The following SLC48A1 variants were observed in gnomAD, a reference collection of about 807,000 sequenced individuals.
The protein encoded by SLC48A1 is solute carrier family 48 member 1, also known as heme transporter HRG1.
Under a neutral mutation model 14.8 loss-of-function variants are expected in SLC48A1, and 6 were observed. The ratio of observed to expected loss-of-function variants is 0.41; its 90% CI spans 0.22 to 0.80. The LOEUF (loss-of-function observed/expected upper bound fraction) is 0.80, where lower values mean the gene tolerates loss of function less well. SLC48A1 is among the 30% of genes least tolerant of loss of function. SLC48A1 has a pLI of 0.34. For missense variants in SLC48A1, 165 were observed against 204.8 expected (o/e 0.81, Z 1.19); for synonymous variants, 89 against 90.0 (o/e 0.99, Z 0.06).
chr12:47,782,437 C>T lies in SLC48A1; in HGVS notation c.*2156C>T, dbSNP rs1393299123. 4.6e-5 allele frequency: 7 copies of T among 152,298 alleles called. No homozygotes were observed. In the East Asian group the frequency reaches 9.7e-4, roughly 21 times the overall value. 9.4% of individuals were successfully genotyped at this position (152,298 alleles called of 1,614,324 possible). ...AGCTCCTGTATTCCCACTCCCCCAC[C>T]CCACCCCCACTCCTGCCATATCAGG... is the stretch of plus-strand genomic sequence containing the variant. On this transcript the variant is annotated 3_prime_UTR_variant, in exon 3 of 3. Coordinates refer to ENST00000442218, the MANE Select transcript of SLC48A1 (RefSeq NM_017842.3).
At position 47,758,661 on chromosome 12, in the gene SLC48A1, G is replaced by A; in HGVS notation, c.-373+1G>A. The A allele has an allele frequency of 6.4e-7, 1 of 1,571,434 alleles. No homozygotes were observed. The highest frequency in any genetic ancestry group is 8.6e-7 in the Non-Finnish European group (1 of 1,158,014). On this transcript the variant is annotated splice_donor_variant, in intron 1 of 4. Transcript: ENST00000547002. LOFTEE classifies it low-confidence loss of function (5UTR_SPLICE). ...AAGGGGATCCGGAGGGTGCCAGTGG[G>A]TAAGTCCAGGTACAGTGAACTGGGC...
intron 2 of SLC48A1, among the ~76,000 whole-genome samples, chr12:47,762,817 C>T (rs887065570): frequency 1.3e-5 from 2 of 152,194 alleles, no homozygotes; most frequent in Non-Finnish European, 1.5e-5. Context: ...AACCTTGCCT[C>T]GCTCAGTCCT....
In SLC48A1 at chr12:47,781,095, C is replaced by A; in HGVS notation, c.*814C>A. ...TTAAACCCCCATCCCAGCACCCCAT[C>A]CTGTTGTTCCCAGAGCTGGTCTCCC... On this transcript the variant is annotated 3_prime_UTR_variant, in exon 3 of 3. Transcript: ENST00000442218. 1 of 344,844 alleles carries A rather than the reference C, an allele frequency of 2.9e-6. No individual in the cohort carries two copies. Among genetic ancestry groups the A allele is most frequent in the Non-Finnish European group, 5.7e-6 (1 of 174,944 alleles). The allele number at this position is 344,844 out of a possible 1,614,324, so 21.4% of individuals were successfully genotyped here. A position where few individuals can be genotyped will look rare whatever the true frequency, so the allele number is the denominator to read the frequency against.
At chr12:47,774,863 G>A (rs1028532159) in intron 1 of SLC48A1, among the ~76,000 whole-genome samples, 4 of 152,066 alleles carry the variant, frequency 2.6e-5, no homozygotes, top group Non-Finnish European at 5.9e-5. Context: ...ACTGCACCCC[G>A]CCACCCTCCA....
upstream of SLC48A1, chr12:47,758,263 C>T (rs149309704): frequency 0.01 from 15,035 of 1,433,212 alleles, 93 homozygotes; most frequent in Non-Finnish European, 0.012. Context: ...GCCGGTCTGG[C>T]GCACTTAGGG....
upstream of SLC48A1, among the ~76,000 whole-genome samples, chr12:47,767,142 C>G (rs890696046): frequency 1.4e-5 from 2 of 146,478 alleles, no homozygotes; most frequent in Non-Finnish European, 3.0e-5. Context: ...CAGGCACAGC[C>G]TCGGGTTGCC....
rs117840973 is a variant in SLC48A1, at chr12:47,761,433, C to G, written c.-187+1032C>G. On this transcript the variant is annotated intron_variant, in intron 2 of 4. Coordinates refer to the SLC48A1 transcript ENST00000547002. ...GGGTGATTACCTATTGGCTCCTAGC[C>G]TGGGGAGATCATAGGGAGTAGATCT... Among the ~76,000 whole-genome samples the G allele has an allele frequency of 3.9e-3, 601 of 152,320 alleles. 3 individuals are homozygous for G. The highest frequency in any genetic ancestry group is 4.4e-3 in the Non-Finnish European group (297 of 68,020).
rs1027124945 is a variant in SLC48A1, at chr12:47,782,415, T to C, written c.*2134T>C. 1 of 152,184 alleles carries C rather than the reference T, an allele frequency of 6.6e-6. No homozygotes were observed. Among genetic ancestry groups the C allele is most frequent in the Non-Finnish European group, 1.5e-5 (1 of 68,050 alleles). The allele number at this position is 152,184 out of a possible 1,614,324, so 9.4% of individuals were successfully genotyped here. ...ATGCCGTGGTGAGCTGGGGCTGAGCTCCTGTATTCCCACTCCCCCACCCCA... is the reference window on the plus strand; with the variant it reads ...ATGCCGTGGTGAGCTGGGGCTGAGCCCCTGTATTCCCACTCCCCCACCCCA... On this transcript the variant is annotated 3_prime_UTR_variant, in exon 3 of 3. Transcript: ENST00000442218.
At chr12:47,754,187 A>G, upstream of SLC48A1, among the ~76,000 whole-genome samples, 1 of 152,260 alleles carries the variant, frequency 6.6e-6, no homozygotes, top group East Asian at 1.9e-4. Context: ...TCTGATTCCA[A>G]AGGCCATGCT....
upstream of SLC48A1, among the ~76,000 whole-genome samples, chr12:47,756,915 G>A (rs1356810739): frequency 6.6e-6 from 1 of 151,744 alleles, no homozygotes; most frequent in Non-Finnish European, 1.5e-5. Flanking sequence ...GCTGTAGTGA[G>A]CCAAGATTGC....
upstream of SLC48A1, among the ~76,000 whole-genome samples, chr12:47,756,977 A>G (rs1041204791): frequency 3.3e-5 from 5 of 152,076 alleles, no homozygotes; most frequent in South Asian, 4.1e-4. Flanking sequence ...AAAAAAAAAA[A>G]AAAGAAAGAA....
At chr12:47,772,573 G>T (rs1356364219), upstream of SLC48A1, among the ~76,000 whole-genome samples, 2 of 152,172 alleles carry the variant, frequency 1.3e-5, no homozygotes, top group African/African-American at 4.8e-5. Context: ...TGGCTGCTTG[G>T]AAGGCTGAGG....
At chr12:47,754,787 G>A (rs1309268346), upstream of SLC48A1, among the ~76,000 whole-genome samples, 1 of 152,152 alleles carries the variant, frequency 6.6e-6, no homozygotes, top group Non-Finnish European at 1.5e-5. Context: ...TTCTCAGTTG[G>A]GAAGAAGCAG....
intron 2 of SLC48A1, among the ~76,000 whole-genome samples, chr12:47,762,700 T>C (rs1273184904): frequency 6.6e-6 from 1 of 152,180 alleles, no homozygotes; most frequent in African/African-American, 2.4e-5. Flanking sequence ...TTTCCCAAGG[T>C]CACACAGTTA....
chr12:47,768,799 C>T (rs1942569581), upstream of SLC48A1: 1 of 152,168 alleles, frequency 6.6e-6, no homozygotes, highest in Non-Finnish European at 1.5e-5. Flanking sequence ...AAAGAGACTT[C>T]AGAAGGATTG....
chr12:47,765,076 CAAAAAAAAAAAAAAAAAAAA>C (rs750174911), intron 2 of SLC48A1, among the ~76,000 whole-genome samples: 664 of 38,176 alleles, frequency 0.017, 18 homozygotes, highest in South Asian at 0.098. Context: ...GACTCTGTCT[CAAAAAAAAAAAAAAAAAAAA>C]AAAAAAAAAA....
At chr12:47,779,259 C>A (rs907207992) in intron 2 of SLC48A1, 64 bp downstream of exon 2, 34 of 1,496,972 alleles carry the variant, frequency 2.3e-5, no homozygotes, top group Admixed American at 1.3e-4. Flanking sequence ...TAGCAGCATT[C>A]CCATCCTGGT....
upstream of SLC48A1, chr12:47,758,434 T>A: frequency 6.4e-7 from 1 of 1,566,308 alleles, no homozygotes; most frequent in Non-Finnish European, 8.7e-7. Context: ...CTTAAACCCT[T>A]CTCCTCTCCT....
chr12:47,761,539 GT>G (rs1942381016), intron 2 of SLC48A1, among the ~76,000 whole-genome samples: 1 of 152,206 alleles, frequency 6.6e-6, no homozygotes, highest in Admixed American at 6.5e-5. Flanking sequence ...GACGGGGCAG[GT>G]TTTTGCCTTC....
Sources: allele counts gnomAD v4.1 joint callset (sites outside exome capture counted in the v4.1 genomes callset), GRCh38; gene constraint gnomAD v4.1.1; transcripts MANE v1.5; gene names NCBI Gene and HGNC (gene_info 2026-07-23, HGNC 2026-07-21).